FRMD6: variants seen among roughly 807,000 people sequenced by gnomAD.
The protein encoded by FRMD6 is FERM domain-containing protein 6.
In FRMD6, 37 loss-of-function variants were observed where a neutral mutation model predicts 73.2. The ratio of observed to expected loss-of-function variants is 0.51; its 90% CI spans 0.39 to 0.66. The LOEUF is 0.66. Ranked by LOEUF, FRMD6 falls within the 30% of genes least tolerant of loss-of-function variation. The pLI is 0.00. For missense variants in FRMD6, 714 were observed against 780.5 expected (o/e 0.91, Z 1.02); for synonymous variants, 273 against 282.2 (o/e 0.97, Z 0.33).
At chr14:51,556,591 G>T (rs1887145822) in intron 1 of FRMD6, among the ~76,000 whole-genome samples, 1 of 152,146 alleles carries the variant, frequency 6.6e-6, no homozygotes, top group Non-Finnish European at 1.5e-5. Context: ...CCTGGTGGTG[G>T]GGAGGGAGGC....
At chr14:51,657,782 C>T (rs996707808) in intron 1 of FRMD6, among the ~76,000 whole-genome samples, 1 of 152,160 alleles carries the variant, frequency 6.6e-6, no homozygotes, top group Non-Finnish European at 1.5e-5. Context: ...AAAGGTTCCA[C>T]TCAGCCACTG....
rs868163669 is a variant in FRMD6, at chr14:51,563,417, C to A, written c.-209-6931C>A. Among the ~76,000 whole-genome samples the A allele has an allele frequency of 3.3e-5, 5 of 152,108 alleles. No homozygotes were observed. The South Asian group carries it at 1.0e-3, about 32-fold the overall frequency. Reference sequence around the variant, plus strand: ...GGGCGTGGTGGCTCATGCTTGTAATCCCAGCACTTTGGGAGGCTGAAGAGG... The same window carrying A: ...GGGCGTGGTGGCTCATGCTTGTAATACCAGCACTTTGGGAGGCTGAAGAGG... On this transcript the variant is annotated intron_variant, in intron 1 of 14. Coordinates refer to the FRMD6 transcript ENST00000356218.
chr14:51,591,008 A>G (rs1288075036), intron 2 of FRMD6, among the ~76,000 whole-genome samples: 1 of 152,062 alleles, frequency 6.6e-6, no homozygotes, highest in Admixed American at 6.6e-5. Flanking sequence ...TATCTCACCA[A>G]TTCATTCTCA....
rs187058334 is a variant in FRMD6, at chr14:51,526,858, C to A, written c.-210+37438C>A. Among the ~76,000 whole-genome samples the A allele has an allele frequency of 7.5e-4, 115 of 152,320 alleles. 1 individual carries two copies. Among genetic ancestry groups the A allele is most frequent in the Non-Finnish European group, 1.8e-4 (12 of 68,026 alleles). On this transcript the variant is annotated intron_variant, in intron 1 of 14. Coordinates refer to the FRMD6 transcript ENST00000356218. Reference sequence around the variant, plus strand: ...GTCTCTCATCTTTCTATCTTCAGCACCTCAGTAAAGTCTTCCTAAATGAAT... The same window carrying A: ...GTCTCTCATCTTTCTATCTTCAGCAACTCAGTAAAGTCTTCCTAAATGAAT...
the FRMD6 span, among the ~76,000 whole-genome samples, chr14:51,421,711 G>C: frequency 1.3e-5 from 2 of 152,252 alleles, no homozygotes; most frequent in Non-Finnish European, 2.9e-5. Context: ...AATGGCCAAA[G>C]ACTAGGGCCA....
chr14:51,470,266 C>T, the FRMD6 span, among the ~76,000 whole-genome samples: 2 of 152,148 alleles, frequency 1.3e-5, no homozygotes, highest in East Asian at 1.9e-4. Flanking sequence ...CGCCTCTAAT[C>T]CCAGCACTTC....
chr14:51,424,446 G>A, the FRMD6 span, among the ~76,000 whole-genome samples: 2 of 152,316 alleles, frequency 1.3e-5, no homozygotes, highest in African/African-American at 2.4e-5. Flanking sequence ...TCATTGTGAA[G>A]GTAGAGAGTG....
At chr14:51,588,720 A>G (rs1414858068) in intron 2 of FRMD6, among the ~76,000 whole-genome samples, 1 of 152,150 alleles carries the variant, frequency 6.6e-6, no homozygotes, top group Non-Finnish European at 1.5e-5. Flanking sequence ...AACAGTTCTC[A>G]CTTGAAATAA....
chr14:51,484,961 C>T (rs567094605), upstream of FRMD6, among the ~76,000 whole-genome samples: 16 of 152,196 alleles, frequency 1.1e-4, 1 homozygote, highest in Non-Finnish European at 2.4e-4. Context: ...GGGTGAGGAG[C>T]TTCCTGGGCC....
chr14:51,676,364 C>T (rs890954684), intron 1 of FRMD6, among the ~76,000 whole-genome samples: 1 of 152,096 alleles, frequency 6.6e-6, no homozygotes, highest in Admixed American at 6.6e-5. Flanking sequence ...ATAAAAATTA[C>T]AAGAATTCAT....
intron 2 of FRMD6, among the ~76,000 whole-genome samples, chr14:51,646,422 A>C (rs1255242350): frequency 6.6e-6 from 1 of 151,604 alleles, no homozygotes; most frequent in African/African-American, 2.4e-5. Context: ...TGAGAATATT[A>C]TCTCAGATAA....
At chr14:51,442,362 C>A in the FRMD6 span, among the ~76,000 whole-genome samples, 1 of 152,084 alleles carries the variant, frequency 6.6e-6, no homozygotes, top group Non-Finnish European at 1.5e-5. Flanking sequence ...CTCACATATA[C>A]ACATGTACTC....
intron 2 of FRMD6, among the ~76,000 whole-genome samples, chr14:51,596,710 C>T (rs2139773340): frequency 6.6e-6 from 1 of 152,262 alleles, no homozygotes; most frequent in Admixed American, 6.5e-5. Context: ...AATGTGGACA[C>T]ATTGGTGGGT....
At position 51,689,945 on chromosome 14, in the gene FRMD6, T is replaced by C; in HGVS notation, c.99+10T>C. On this transcript the variant is annotated intron_variant, in intron 2 of 13. Transcript: ENST00000344768. Reference sequence around the variant, plus strand: ...GAACATCATCATAAATGTGAGTAGATCCAGTTTTAGAAATGTCTAAATATT... The same window carrying C: ...GAACATCATCATAAATGTGAGTAGACCCAGTTTTAGAAATGTCTAAATATT... 6.5e-7 allele frequency: 1 copy of C among 1,546,564 alleles called. No individual in the cohort carries two copies. The highest frequency in any genetic ancestry group is 8.9e-7 in the Non-Finnish European group (1 of 1,118,336).
At chr14:51,537,898 A>C (rs1885985218) in intron 1 of FRMD6, among the ~76,000 whole-genome samples, 1 of 152,090 alleles carries the variant, frequency 6.6e-6, no homozygotes, top group South Asian at 2.1e-4. Context: ...ATGTATTTTG[A>C]ATAACAGTTC....
intron 2 of FRMD6, chr14:51,599,850 G>A (rs902203168): frequency 1.3e-5 from 2 of 149,244 alleles, no homozygotes; most frequent in Admixed American, 1.3e-4. Context: ...TCACTTCTCT[G>A]TAAATGGTTC....
At chr14:51,427,245 G>C in the FRMD6 span, among the ~76,000 whole-genome samples, 1 of 152,166 alleles carries the variant, frequency 6.6e-6, no homozygotes, top group African/African-American at 2.4e-5. Flanking sequence ...TTATCCTCTT[G>C]TATACAAGTG....
intron 2 of FRMD6, among the ~76,000 whole-genome samples, chr14:51,595,491 G>C (rs1441406759): frequency 1.3e-5 from 2 of 152,184 alleles, no homozygotes; most frequent in African/African-American, 4.8e-5. Flanking sequence ...ACAGGGATAT[G>C]AAAGTATTGT....
chr14:51,428,314 T>G, the FRMD6 span, among the ~76,000 whole-genome samples: 2 of 152,050 alleles, frequency 1.3e-5, no homozygotes, highest in East Asian at 3.9e-4. Context: ...ATGAAGGAAT[T>G]GGTGTCACGT....
Sources: gnomAD v4.1 joint callset for allele counts (sites outside exome capture counted in the v4.1 genomes callset) on GRCh38, gnomAD v4.1.1 for gene constraint, MANE v1.5 for transcripts, NCBI Gene and HGNC (gene_info 2026-07-23, HGNC 2026-07-21) for gene names.